The following CSTPP1 variants were observed in gnomAD, a reference collection of about 807,000 sequenced individuals.
CSTPP1 encodes centriolar satellite-associated tubulin polyglutamylase complex regulator 1.
chr11:46,949,787 T>C, the CSTPP1 span, among the ~76,000 whole-genome samples: 6 of 151,760 alleles, frequency 4.0e-5, no homozygotes, highest in South Asian at 2.1e-4. Context: ...TTCTCATGCC[T>C]CAGCCTCCCG....
the CSTPP1 span, among the ~76,000 whole-genome samples, chr11:47,102,989 G>GGA: frequency 8.3e-6 from 1 of 120,540 alleles, no homozygotes; most frequent in Non-Finnish European, 1.6e-5. Flanking sequence ...GTGCCTCACA[G>GGA]AAAAAAAAAA....
the CSTPP1 span, among the ~76,000 whole-genome samples, chr11:47,150,445 C>CAGGG: frequency 2.0e-5 from 3 of 152,270 alleles, no homozygotes; most frequent in East Asian, 3.9e-4. Flanking sequence ...AAGCCACAAG[C>CAGGG]AGGGAGACAG....
the CSTPP1 span, among the ~76,000 whole-genome samples, chr11:47,068,521 G>C: frequency 1.3e-5 from 2 of 152,210 alleles, no homozygotes; most frequent in East Asian, 3.9e-4. Flanking sequence ...GACAGAGCAA[G>C]ACTCCATCTC....
the CSTPP1 span, among the ~76,000 whole-genome samples, chr11:47,007,009 T>G: frequency 3.8e-3 from 526 of 138,900 alleles, 22 homozygotes; most frequent in Non-Finnish European, 8.2e-4. Flanking sequence ...TGGTTTTTTT[T>G]TTTTTTTTTT....
At chr11:47,036,132 C>A in the CSTPP1 span, among the ~76,000 whole-genome samples, 8 of 13,446 alleles carry the variant, frequency 5.9e-4, no homozygotes, top group African/African-American at 8.6e-4. Context: ...TTATAATATA[C>A]AATATAATAT....
At chr11:47,116,010 G>A in the CSTPP1 span, among the ~76,000 whole-genome samples, 2 of 152,174 alleles carry the variant, frequency 1.3e-5, no homozygotes, top group Admixed American at 6.5e-5. Flanking sequence ...ATTCTGGTAC[G>A]TTGTGTCTTT....
the CSTPP1 span, among the ~76,000 whole-genome samples, chr11:47,122,731 C>A: frequency 1.3e-5 from 2 of 152,084 alleles, no homozygotes; most frequent in Non-Finnish European, 2.9e-5. Context: ...AGGTGTGCAC[C>A]ACTGTGCCTG....
chr11:47,126,774 A>T, the CSTPP1 span, among the ~76,000 whole-genome samples: 1 of 151,992 alleles, frequency 6.6e-6, no homozygotes, highest in Non-Finnish European at 1.5e-5. Context: ...TCTACAAAAT[A>T]TACAAAAATT....
At chr11:46,982,451 A>G in the CSTPP1 span, among the ~76,000 whole-genome samples, 2 of 152,106 alleles carry the variant, frequency 1.3e-5, no homozygotes, top group Non-Finnish European at 2.9e-5. Context: ...ATTAAATAAT[A>G]ATTTTTAAAA....
the CSTPP1 span, among the ~76,000 whole-genome samples, chr11:47,101,329 T>C: frequency 4.2e-4 from 64 of 151,748 alleles, 3 homozygotes; most frequent in African/African-American, 1.5e-3. Context: ...CAAAAGAGCC[T>C]GAGGGTAGTT....
the CSTPP1 span, among the ~76,000 whole-genome samples, chr11:46,978,640 A>G: frequency 4.0e-4 from 61 of 152,340 alleles, no homozygotes; most frequent in Non-Finnish European, 7.3e-4. Flanking sequence ...ATAAATATCT[A>G]CAATAGCATC....
At chr11:47,117,914 G>C in the CSTPP1 span, among the ~76,000 whole-genome samples, 134,565 of 136,620 alleles carry the variant, frequency 0.98, 66,306 homozygotes, top group Middle Eastern at 1. Flanking sequence ...CAGTCTCACT[G>C]TGTCGCCCAG....
the CSTPP1 span, among the ~76,000 whole-genome samples, chr11:47,037,793 C>T: frequency 7.8e-6 from 1 of 127,614 alleles, no homozygotes; most frequent in African/African-American, 2.5e-5. Context: ...CCTCTTTCTA[C>T]ACAGACACGG....
At chr11:47,141,232 C>T in the CSTPP1 span, among the ~76,000 whole-genome samples, 2 of 152,170 alleles carry the variant, frequency 1.3e-5, no homozygotes, top group African/African-American at 2.4e-5. Flanking sequence ...AGAAATCCTA[C>T]ACCCCTTAGC....
the CSTPP1 span, among the ~76,000 whole-genome samples, chr11:47,159,287 A>G: frequency 6.6e-6 from 1 of 152,042 alleles, no homozygotes; most frequent in African/African-American, 2.4e-5. Flanking sequence ...AGGCAGGTGG[A>G]TCACCTAAGG....
the CSTPP1 span, among the ~76,000 whole-genome samples, chr11:47,060,801 TA>T: frequency 1.2e-4 from 18 of 152,048 alleles, no homozygotes; most frequent in Non-Finnish European, 2.5e-4. Flanking sequence ...CCTATGAAAA[TA>T]AAAAATTTCT....
At chr11:46,972,356 G>A in the CSTPP1 span, among the ~76,000 whole-genome samples, 1 of 152,140 alleles carries the variant, frequency 6.6e-6, no homozygotes, top group Admixed American at 6.5e-5. Context: ...ATAGGACAGG[G>A]ATTAGAGACC....
the CSTPP1 span, chr11:46,936,826 A>T: frequency 1.9e-6 from 3 of 1,606,602 alleles, no homozygotes; most frequent in Non-Finnish European, 2.5e-6. Context: ...CGGAGCGCCT[A>T]GCCCTACCGG....
the CSTPP1 span, among the ~76,000 whole-genome samples, chr11:47,066,115 T>TG: frequency 0.82 from 105,815 of 128,926 alleles, 43,522 homozygotes; most frequent in South Asian, 0.88. Context: ...TTTTTTTTTT[T>TG]TTGTTTGTTT....
Sources: allele counts gnomAD v4.1 joint callset (sites outside exome capture counted in the v4.1 genomes callset), GRCh38; gene constraint gnomAD v4.1.1; transcripts MANE v1.5; gene names NCBI Gene and HGNC (gene_info 2026-07-23, HGNC 2026-07-21).